The following SLC25A37 variants were observed in gnomAD, a reference collection of about 807,000 sequenced individuals.
SLC25A37 encodes mitoferrin-1.
Under a neutral mutation model 31.0 loss-of-function variants are expected in SLC25A37, and 17 were observed. The observed-to-expected ratio is 0.55, with a 90% confidence interval of 0.38 to 0.82. The LOEUF is 0.82. Ranked by LOEUF, SLC25A37 falls within the 40% of genes least tolerant of loss-of-function variation. The pLI, the probability that SLC25A37 is intolerant of heterozygous loss-of-function variation, is 0.00. For missense variants in SLC25A37, 404 were observed against 465.8 expected, an observed-to-expected ratio of 0.87 and a Z score of 1.22; for synonymous variants, 222 against 193.0, an observed-to-expected ratio of 1.15 and a Z score of -1.24.
chr8:23,566,485 C>T (rs1180747722), intron 2 of SLC25A37, 149 bp downstream of exon 2: 3 of 1,436,166 alleles, frequency 2.1e-6, no homozygotes, highest in Admixed American at 3.4e-5. Context: ...AATGCACACC[C>T]AGACACACGC....
chr8:23,572,096 T>C lies in SLC25A37; in HGVS notation c.*241T>C. On this transcript the variant is annotated 3_prime_UTR_variant, in exon 4 of 4. Coordinates refer to ENST00000519973, the MANE Select transcript of SLC25A37 (RefSeq NM_016612.4). ...AAGGGGAGCGAGAAATTGCTTTTTC[T>C]CTTCCTCCCTGGGCAGAATGTAGCT... is the stretch of plus-strand genomic sequence containing the variant. 2.1e-6 allele frequency: 1 copy of C among 476,948 alleles called. No homozygotes were observed. Among genetic ancestry groups the C allele is most frequent in the Non-Finnish European group, 3.7e-6 (1 of 268,254 alleles). 29.5% of individuals were successfully genotyped at this position (476,948 alleles called of 1,614,324 possible). A position where few individuals can be genotyped will look rare whatever the true frequency, so the allele number is the denominator to read the frequency against.
chr8:23,546,077 T>C (rs1802028664), intron 1 of SLC25A37, among the ~76,000 whole-genome samples: 1 of 151,840 alleles, frequency 6.6e-6, no homozygotes, highest in African/African-American at 2.4e-5. Context: ...AGAGGTTGCA[T>C]TGAGCTGAGA....
chr8:23,551,108 A>G (rs908988537), intron 1 of SLC25A37, among the ~76,000 whole-genome samples: 1 of 152,210 alleles, frequency 6.6e-6, no homozygotes, highest in African/African-American at 2.4e-5. Context: ...GCACTGGTCA[A>G]AGGTCCCCAG....
rs376311141 is a variant in SLC25A37, at chr8:23,566,991, T to TG, written c.439+662dup. On this transcript the variant is annotated intron_variant, in intron 2 of 3. Transcript: ENST00000519973. ...GTTGTTTTGAGGGAGAGAGGCGGGG[T>TG]GGGGGGGTGCAAATCTGCCAGCAGC... The TG allele has an allele frequency of 3.3e-3, 805 of 240,764 alleles. 4 individuals carry two copies. The highest frequency in any genetic ancestry group is 0.018 in the African/African-American group (765 of 42,558). The allele number at this position is 240,764 out of a possible 1,614,324, so 14.9% of individuals were successfully genotyped here.
At chr8:23,554,875 C>T (rs1477788632) in intron 1 of SLC25A37, among the ~76,000 whole-genome samples, 1 of 152,176 alleles carries the variant, frequency 6.6e-6, no homozygotes, top group Non-Finnish European at 1.5e-5. Flanking sequence ...ACTGGAGAGC[C>T]CATCTGTCTT....
At position 23,546,585 on chromosome 8, in the gene SLC25A37, G is replaced by GTA. The variant is rs1232536114; in HGVS notation, c.210+17384_210+17385dup. On this transcript the variant is annotated intron_variant, in intron 1 of 3. Coordinates refer to ENST00000519973, the MANE Select transcript of SLC25A37 (RefSeq NM_016612.4). Reference sequence around the variant, plus strand: ...ATATATATATATATATATATATAGTGTATATATATATAGTGTATGTGTGTG... The same window carrying GTA: ...ATATATATATATATATATATATAGTGTATATATATATATAGTGTATGTGTGTG... Among the ~76,000 whole-genome samples, 28 of 65,460 alleles carry GTA rather than the reference G, an allele frequency of 4.3e-4. 1 individual carries two copies. The highest frequency in any genetic ancestry group is 1.6e-3 in the South Asian group (3 of 1,866). 42.9% of individuals were successfully genotyped at this position (65,460 alleles called of 152,430 possible).
intron 1 of SLC25A37, among the ~76,000 whole-genome samples, chr8:23,532,745 C>A (rs1464816694): frequency 6.6e-6 from 1 of 152,194 alleles, no homozygotes; most frequent in Non-Finnish European, 1.5e-5. Context: ...CCTGGCTGAC[C>A]TTATGGTGTG....
intron 1 of SLC25A37, among the ~76,000 whole-genome samples, chr8:23,559,570 C>T (rs1000603903): frequency 2.0e-5 from 3 of 152,136 alleles, no homozygotes; most frequent in Admixed American, 6.6e-5. Context: ...TATTACACAA[C>T]CATCAGTGTC....
chr8:23,557,479 A>G (rs189649655), intron 1 of SLC25A37, among the ~76,000 whole-genome samples: 14 of 152,306 alleles, frequency 9.2e-5, no homozygotes, highest in African/African-American at 3.1e-4. Context: ...CGTGGTGCCA[A>G]ATGCTTTTCC....
chr8:23,564,847 A>G (rs7840478), intron 1 of SLC25A37, among the ~76,000 whole-genome samples: 2 of 151,174 alleles, frequency 1.3e-5, no homozygotes, highest in Non-Finnish European at 3.0e-5. Context: ...CTGTCTGTCT[A>G]CCTACCTACC....
chr8:23,557,075 C>A (rs576893005), intron 1 of SLC25A37, among the ~76,000 whole-genome samples: 1 of 151,858 alleles, frequency 6.6e-6, no homozygotes, highest in South Asian at 2.1e-4. Context: ...GGTCTCGAAC[C>A]CCTGACCTCA....
intron 1 of SLC25A37, among the ~76,000 whole-genome samples, chr8:23,536,380 A>C (rs1366633653): frequency 6.6e-6 from 1 of 152,028 alleles, no homozygotes; most frequent in Non-Finnish European, 1.5e-5. Flanking sequence ...TGCACTGCCC[A>C]GCCGCAGCCT....
At chr8:23,564,902 A>G (rs2117450867) in intron 1 of SLC25A37, among the ~76,000 whole-genome samples, 1 of 151,956 alleles carries the variant, frequency 6.6e-6, no homozygotes, top group Non-Finnish European at 1.5e-5. Flanking sequence ...TATCTAATCT[A>G]CCTACCTACC....
chr8:23,570,899 G>A (rs1410389734), intron 3 of SLC25A37, among the ~76,000 whole-genome samples: 1 of 152,168 alleles, frequency 6.6e-6, no homozygotes, highest in Non-Finnish European at 1.5e-5. Context: ...AATACACAAG[G>A]GGGCACGCTT....
chr8:23,532,154 C>T (rs1308397260), intron 1 of SLC25A37, among the ~76,000 whole-genome samples: 1 of 152,208 alleles, frequency 6.6e-6, no homozygotes, highest in Non-Finnish European at 1.5e-5. Context: ...ATTTGGAAGA[C>T]CTTTGGCAAC....
intron 1 of SLC25A37, among the ~76,000 whole-genome samples, chr8:23,553,031 A>G (rs140379343): frequency 6.6e-6 from 1 of 152,248 alleles, no homozygotes; most frequent in East Asian, 1.9e-4. Flanking sequence ...ACATGGGTTG[A>G]TGTGCATGTA....
intron 1 of SLC25A37, among the ~76,000 whole-genome samples, chr8:23,548,934 A>G (rs1802147949): frequency 1.3e-5 from 2 of 152,122 alleles, no homozygotes; most frequent in African/African-American, 4.8e-5. Context: ...CTCTGTCCAC[A>G]TCCCACCTGT....
intron 3 of SLC25A37, 109 bp downstream of exon 3, chr8:23,568,487 C>A (rs1802728488): frequency 8.2e-7 from 1 of 1,224,256 alleles, no homozygotes. Flanking sequence ...GGCTCCTAGT[C>A]TCCAGTCAGA....
Position 23,551,212 on chromosome 8 carries a change from G to C in SLC25A37, c.211-14896G>C, listed in dbSNP as rs115202856. 9.7e-3 allele frequency among the ~76,000 whole-genome samples: 1,478 copies of C among 152,310 alleles called. 28 individuals are homozygous for C. The highest frequency in any genetic ancestry group is 0.034 in the African/African-American group (1,421 of 41,564). On this transcript the variant is annotated intron_variant, in intron 1 of 3. Transcript: ENST00000519973. ...GTAAACTGATAATAGTGATTTCCCT[G>C]CCCCACCTCTCTGCCAGCTATCTAA...
Sources: gnomAD v4.1 joint callset for allele counts (sites outside exome capture counted in the v4.1 genomes callset) on GRCh38, gnomAD v4.1.1 for gene constraint, MANE v1.5 for transcripts, NCBI Gene and HGNC (gene_info 2026-07-23, HGNC 2026-07-21) for gene names.